Variants in CSMD3 observed in about 807,000 individuals in gnomAD.
The protein encoded by CSMD3 is CUB and Sushi multiple domains 3, also known as CUB and sushi domain-containing protein 3.
Under a neutral mutation model 435.2 loss-of-function variants are expected in CSMD3, and 177 were observed. The ratio of observed to expected loss-of-function variants is 0.41; its 90% confidence interval spans 0.36 to 0.46. CSMD3 has a LOEUF of 0.46. CSMD3 is among the 20% of genes least tolerant of loss of function. CSMD3 has a pLI of 0.34. For synonymous variants in CSMD3, 1,656 were observed against 1,520.5 expected, an observed-to-expected ratio of 1.09 and a Z score of -2.07; for missense variants, 4,265 against 4,504.6, an observed-to-expected ratio of 0.95 and a Z score of 1.52.
intron 27 of CSMD3, among the ~76,000 whole-genome samples, chr8:112,532,984 T>G (rs1041612103): frequency 6.6e-6 from 1 of 152,132 alleles, no homozygotes; most frequent in South Asian, 2.1e-4. Context: ...CAGGGCTTTA[T>G]AGATATTTCT....
At chr8:113,129,909 A>G (rs1254693249) in intron 4 of CSMD3, among the ~76,000 whole-genome samples, 1 of 152,022 alleles carries the variant, frequency 6.6e-6, no homozygotes, top group Non-Finnish European at 1.5e-5. Flanking sequence ...TTTTATAATA[A>G]TTTTATGTTT....
intron 25 of CSMD3, among the ~76,000 whole-genome samples, chr8:112,555,727 T>G (rs1334705939): frequency 1.3e-5 from 2 of 151,988 alleles, no homozygotes; most frequent in African/African-American, 4.8e-5. Context: ...TAGAATTTCA[T>G]ATTTTCTATT....
intron 2 of CSMD3, among the ~76,000 whole-genome samples, chr8:113,301,455 A>G (rs2093766749): frequency 6.6e-6 from 1 of 152,036 alleles, no homozygotes. Flanking sequence ...CATCTCACTC[A>G]GATATAATTT....
intron 13 of CSMD3, among the ~76,000 whole-genome samples, chr8:112,782,475 G>C (rs536905399): frequency 2.0e-5 from 3 of 152,012 alleles, no homozygotes; most frequent in Non-Finnish European, 4.4e-5. Context: ...AAATCTAAGA[G>C]TTATTGCCTT....
intron 16 of CSMD3, among the ~76,000 whole-genome samples, chr8:112,673,187 T>C (rs547111741): frequency 6.6e-6 from 1 of 151,900 alleles, no homozygotes; most frequent in South Asian, 2.1e-4. Flanking sequence ...AAAAAAAACT[T>C]GCTTTATGGT....
At chr8:112,620,626 A>C (rs9642816) in intron 22 of CSMD3, among the ~76,000 whole-genome samples, 84,414 of 151,874 alleles carry the variant, frequency 0.56, 23,776 homozygotes, top group African/African-American at 0.62. Flanking sequence ...GATGGAAATT[A>C]ATCAACTGAC....
chr8:112,296,355 T>C (rs898610719), intron 53 of CSMD3, among the ~76,000 whole-genome samples: 1 of 151,760 alleles, frequency 6.6e-6, no homozygotes, highest in Non-Finnish European at 1.5e-5. Context: ...ATTGAGACCA[T>C]CCTGGCTAAC....
chr8:113,205,145 G>A (rs751330625), intron 3 of CSMD3, among the ~76,000 whole-genome samples: 3 of 151,936 alleles, frequency 2.0e-5, no homozygotes, highest in African/African-American at 7.2e-5. Context: ...CACCCTGCCC[G>A]GCTAATTTTT....
intron 13 of CSMD3, among the ~76,000 whole-genome samples, chr8:112,735,535 T>C (rs1055562922): frequency 1.1e-4 from 17 of 152,056 alleles, no homozygotes; most frequent in Non-Finnish European, 1.3e-4. Flanking sequence ...CAGTATTGTG[T>C]TCTAGACTGG....
chr8:113,153,837 A>ATT (rs1008177473), intron 4 of CSMD3, among the ~76,000 whole-genome samples: 13 of 151,988 alleles, frequency 8.6e-5, no homozygotes, highest in Admixed American at 1.3e-4. Context: ...AATGTATGCC[A>ATT]TTTTTTTCTT....
At chr8:112,610,268 A>G (rs1364308498) in intron 22 of CSMD3, among the ~76,000 whole-genome samples, 1 of 152,082 alleles carries the variant, frequency 6.6e-6, no homozygotes, top group Non-Finnish European at 1.5e-5. Flanking sequence ...TAATTAAAAC[A>G]TTACGTTGTA....
At chr8:113,365,663 AT>A (rs1302154189) in intron 1 of CSMD3, among the ~76,000 whole-genome samples, 1 of 152,106 alleles carries the variant, frequency 6.6e-6, no homozygotes, top group Non-Finnish European at 1.5e-5. Flanking sequence ...ATGTTACAAG[AT>A]AAATGATATT....
At chr8:113,359,950 T>C (rs2094260544) in intron 1 of CSMD3, among the ~76,000 whole-genome samples, 1 of 152,184 alleles carries the variant, frequency 6.6e-6, no homozygotes, top group Non-Finnish European at 1.5e-5. Flanking sequence ...ATATACCCAC[T>C]GCTCTGTGGG....
At chr8:112,310,897 A>T (rs747438493) in intron 50 of CSMD3, 81 bp downstream of exon 50, 1 of 1,155,126 alleles carries the variant, frequency 8.7e-7, no homozygotes, top group Admixed American at 1.8e-5. Context: ...TTCTCAGAAA[A>T]GTTAGTGATC....
At chr8:112,264,331 T>C (rs185088895) in intron 60 of CSMD3, among the ~76,000 whole-genome samples, 9 of 152,260 alleles carry the variant, frequency 5.9e-5, no homozygotes, top group African/African-American at 1.9e-4. Context: ...CTTATTATTA[T>C]AGGGTTTATA....
In CSMD3 at chr8:112,547,638, C is replaced by G. The variant is rs77979599; in HGVS notation, c.4564+3033G>C. 6.1e-3 allele frequency among the ~76,000 whole-genome samples: 926 copies of G among 152,170 alleles called. 9 individuals are homozygous for G. The highest frequency in any genetic ancestry group is 0.022 in the African/African-American group (894 of 41,518). On this transcript the variant is annotated intron_variant, in intron 27 of 70. Transcript: ENST00000297405. Reference sequence around the variant, plus strand: ...TTTATTTGGGGAAAAAGAAATACAACTACTGGAAGGAGCATGAGCTAGAAT... The same window carrying G: ...TTTATTTGGGGAAAAAGAAATACAAGTACTGGAAGGAGCATGAGCTAGAAT...
At position 112,256,577 on chromosome 8, in the gene CSMD3, G is replaced by A. The variant is rs562673284; in HGVS notation, c.9863-1150C>T. Among the ~76,000 whole-genome samples the A allele has an allele frequency of 9.3e-4, 141 of 152,278 alleles. 1 individual carries two copies. Among genetic ancestry groups the A allele is most frequent in the Non-Finnish European group, 1.5e-3 (105 of 68,018 alleles). On this transcript the variant is annotated intron_variant, in intron 61 of 70. Coordinates refer to ENST00000297405, the MANE Select transcript of CSMD3 (RefSeq NM_198123.2). ...GCTGGAGCAGAGTGAGCATGAAGAA[G>A]TGTAATGGGGAATGAAAGCAAATGA...
rs573813387 is a variant in CSMD3 at position 112,483,446 on chromosome 8, G to A, written c.5278+9043C>T. On this transcript the variant is annotated intron_variant, in intron 31 of 70. Transcript: ENST00000297405. ...TCCAGTGAGCCGAGCTTGCGCCACT[G>A]CACTCCAACCTAGGCAACAGAGTGA... 2.0e-5 allele frequency among the ~76,000 whole-genome samples: 3 copies of A among 152,088 alleles called. No individual in the cohort carries two copies. In the East Asian group the frequency reaches 5.8e-4, roughly 29 times the overall value.
In CSMD3 at chr8:112,730,032, G is replaced by A. The variant is rs369023536; in HGVS notation, c.1973-39982C>T. ...TGAGCTTTGTAGTTATAAATCTGAA[G>A]TACAATTATTTAGTGGAAAAGAGGA... is the stretch of plus-strand genomic sequence containing the variant. On this transcript the variant is annotated intron_variant, in intron 13 of 70. Coordinates refer to ENST00000297405, the MANE Select transcript of CSMD3 (RefSeq NM_198123.2). Among the ~76,000 whole-genome samples, 31 of 152,214 alleles carry A rather than the reference G, an allele frequency of 2.0e-4. 1 individual carries two copies. The South Asian group carries it at 2.1e-3, about 10-fold the overall frequency.
Sources: gnomAD v4.1 joint callset for allele counts (sites outside exome capture counted in the v4.1 genomes callset) on GRCh38, gnomAD v4.1.1 for gene constraint, MANE v1.5 for transcripts, NCBI Gene and HGNC (gene_info 2026-07-23, HGNC 2026-07-21) for gene names.